The following POM121 variants were observed in gnomAD, a reference collection of about 807,000 sequenced individuals.
The protein encoded by POM121 is POM121 transmembrane nucleoporin.
Under a neutral mutation model 81.3 loss-of-function variants are expected in POM121, and 32 were observed. The ratio of observed to expected loss-of-function variants is 0.39; its 90% CI spans 0.30 to 0.53. The LOEUF (loss-of-function observed/expected upper bound fraction) is 0.53, where lower values mean the gene tolerates loss of function less well. Ranked by LOEUF, POM121 falls within the 20% of genes least tolerant of loss-of-function variation. The pLI, the probability that POM121 is intolerant of heterozygous loss-of-function variation, is 0.66. For synonymous variants in POM121, 514 were observed against 694.2 expected (o/e 0.74, Z 4.08); for missense variants, 1,138 against 1,614.6 (o/e 0.70, Z 5.06).
chr7:72,930,472 G>T (rs2129578274), intron 5 of POM121, among the ~76,000 whole-genome samples: 1 of 152,382 alleles, frequency 6.6e-6, no homozygotes, highest in South Asian at 2.1e-4. Context: ...CAGTGCATGT[G>T]TGCGAGCTGA....
At position 72,946,291 on chromosome 7, in the gene POM121, C is replaced by T. The variant is rs446631; in HGVS notation, c.*57C>T. On this transcript the variant is annotated 3_prime_UTR_variant, in exon 13 of 13. Transcript: ENST00000434423. ...CTTCCCTAAATCTGGACCTTGGCAC[C>T]TGCTAGGAAGAGCCTTGGACCCTTC... 6.3e-7 allele frequency: 1 copy of T among 1,598,574 alleles called. No homozygotes were observed. Among genetic ancestry groups the T allele is most frequent in the Non-Finnish European group, 8.5e-7 (1 of 1,173,152 alleles).
Position 72,939,913 on chromosome 7 carries a change from A to C in POM121, c.1508A>C (p.Gln503Pro), listed in dbSNP as rs532974835. Residue 503 changes from glutamine to proline, a missense_variant, in exon 8 of 13, where the codon CAG (glutamine) becomes CCG (proline). This residue lies in a region of POM121 where 24 missense variants were observed against 54.3 expected (regional missense o/e 0.44). Coordinates refer to ENST00000434423, the MANE Select transcript of POM121 (RefSeq NM_001387691.1). The part of the protein sequence containing the change: ...NSQSTPGSSG[Q>P]RKRKVQLLPS... ...CAGTCTACACCTGGCAGCTCTGGGC[A>C]GCGTAAGCGGAAAGTTCAGCTGCTG... 78 of 1,608,658 alleles carry C rather than the reference A, an allele frequency of 4.8e-5. No homozygotes were observed. In the African/African-American group the frequency reaches 7.9e-4, roughly 16 times the overall value.
Position 72,925,372 on chromosome 7 carries a change from G to A in POM121, c.251G>A (p.Arg84Gln). The change falls in exon 1 of 13, where the codon CGG becomes CAG. Residue 84 changes from arginine (R) to glutamine (Q), a missense_variant. Coordinates refer to ENST00000434423, the MANE Select transcript of POM121 (RefSeq NM_001387691.1). The stretch of plus-strand genomic sequence containing the variant: ...TCGCGCCCCTTGTCCTCCTTCGTTC[G>A]GAAGGCGCGTCATCGGCGCCCCTTG... Reference protein sequence around the residue: ...RGSRPLSSFVRKARHRRPLSS... With the variant: ...RGSRPLSSFVQKARHRRPLSS... 1.3e-6 allele frequency: 2 copies of A among 1,523,076 alleles called. No homozygotes were observed. The highest frequency in any genetic ancestry group is 2.4e-5 in the East Asian group (1 of 40,844). The allele number at this position is 1,523,076 out of a possible 1,614,324, so 94.3% of individuals were successfully genotyped here.
Position 72,946,149 on chromosome 7 carries a change from T to G in POM121, c.3665T>G (p.Leu1222Arg). 6.2e-7 allele frequency: 1 copy of G among 1,611,088 alleles called. No individual in the cohort carries two copies. ...TGAATCTTTCCAGGATCGGCGGCCC[T>G]TTCATTTTCCATTGGTGCGGGATCC... Reference protein sequence around the residue: ...VGVAPFGSAALSFSIGAGSKT... With the variant: ...VGVAPFGSAARSFSIGAGSKT... The change falls in exon 13 of 13, where the codon CTT (leucine) becomes CGT (arginine). Residue 1222 changes from leucine (L) to arginine (R), a missense_variant. By Grantham distance (102) the Leu-to-Arg change is moderately radical. Transcript: ENST00000434423.
At chr7:72,929,498 T>A (rs1466673019) in intron 4 of POM121, among the ~76,000 whole-genome samples, 1 of 152,194 alleles carries the variant, frequency 6.6e-6, no homozygotes, top group Non-Finnish European at 1.5e-5. Flanking sequence ...GATTTTTTTT[T>A]AATAGCTTTG....
chr7:72,914,708 T>C (rs1257754827), intron 4 of POM121, among the ~76,000 whole-genome samples: 1 of 152,130 alleles, frequency 6.6e-6, no homozygotes, highest in Non-Finnish European at 1.5e-5. Context: ...GTGTTTCCTG[T>C]GTTGCACAAA....
intron 3 of POM121, among the ~76,000 whole-genome samples, chr7:72,910,289 C>T (rs1314993424): frequency 6.6e-6 from 1 of 152,126 alleles, no homozygotes. Flanking sequence ...ACTTTCACTC[C>T]TGTTCTAAAA....
upstream of POM121, among the ~76,000 whole-genome samples, chr7:72,922,930 C>T (rs1220681854): frequency 6.6e-6 from 1 of 152,034 alleles, no homozygotes; most frequent in Non-Finnish European, 1.5e-5. Flanking sequence ...TAAAGAGCCC[C>T]TACTGACCTA....
chr7:72,909,680 G>A (rs1484444913), intron 3 of POM121, among the ~76,000 whole-genome samples: 1 of 152,116 alleles, frequency 6.6e-6, no homozygotes, highest in Non-Finnish European at 1.5e-5. Flanking sequence ...ACAGTGTCTT[G>A]CTCTGTTGCC....
At chr7:72,904,888 G>A (rs1247528746) in intron 3 of POM121, among the ~76,000 whole-genome samples, 1 of 152,128 alleles carries the variant, frequency 6.6e-6, no homozygotes, top group Non-Finnish European at 1.5e-5. Flanking sequence ...AGAGAGTGCA[G>A]GGGAAACTGC....
At chr7:72,948,415 C>A (rs781968432), downstream of POM121, 1 of 1,613,348 alleles carries the variant, frequency 6.2e-7, no homozygotes, top group East Asian at 2.2e-5. Context: ...GCGGTGAGGG[C>A]CCAGGGTCTT....
Position 72,931,574 on chromosome 7 carries a change from CTT to C in POM121, c.1275+1477_1275+1478del, listed in dbSNP as rs782387745. 1.2e-3 allele frequency among the ~76,000 whole-genome samples: 167 copies of C among 139,058 alleles called. 1 individual carries two copies. The highest frequency in any genetic ancestry group is 5.8e-3 in the Admixed American group (80 of 13,872). 91.2% of individuals were successfully genotyped at this position (139,058 alleles called of 152,430 possible). On this transcript the variant is annotated intron_variant, in intron 5 of 12. Transcript: ENST00000434423. ...CTTTGATCCTAGTAACACGCAATTT[CTT>C]TTTTTTTTTTTTTGCCGGAGTCTTA...
At chr7:72,905,695 A>G (rs1222733487) in intron 3 of POM121, among the ~76,000 whole-genome samples, 2 of 152,272 alleles carry the variant, frequency 1.3e-5, no homozygotes, top group East Asian at 3.9e-4. Context: ...GCGAGATTCC[A>G]TCTCAAAAAA....
chr7:72,941,221 C>T (rs1275583259), intron 10 of POM121, among the ~76,000 whole-genome samples: 1 of 151,850 alleles, frequency 6.6e-6, no homozygotes, highest in African/African-American at 2.4e-5. Flanking sequence ...CTCGTAGCTG[C>T]CCTGAGCCTC....
Position 72,887,385 on chromosome 7 carries a change from A to G in POM121, c.-520-3242A>G, listed in dbSNP as rs1790828978. Among the ~76,000 whole-genome samples, 2 of 151,928 alleles carry G rather than the reference A, an allele frequency of 1.3e-5. 1 individual carries two copies. Among genetic ancestry groups the G allele is most frequent in the South Asian group, 4.1e-4 (2 of 4,820 alleles). Reference sequence around the variant, plus strand: ...AATTTCCTGCCCATTTTCCCATCCCACAACTCTTTCTCCTCACATCTGCCT... The same window carrying G: ...AATTTCCTGCCCATTTTCCCATCCCGCAACTCTTTCTCCTCACATCTGCCT... On this transcript the variant is annotated intron_variant, in intron 1 of 15. Coordinates refer to the POM121 transcript ENST00000395270.
intron 1 of POM121, among the ~76,000 whole-genome samples, chr7:72,888,480 G>A (rs1790955721): frequency 6.6e-6 from 1 of 152,210 alleles, no homozygotes; most frequent in African/African-American, 2.4e-5. Flanking sequence ...AAAGTGTTGG[G>A]ATTACAGGCG....
chr7:72,903,112 T>TC (rs1248277383), intron 3 of POM121, among the ~76,000 whole-genome samples: 9 of 151,216 alleles, frequency 6.0e-5, no homozygotes, highest in Non-Finnish European at 1.0e-4. Flanking sequence ...TAATACCTTT[T>TC]CCCCCCAAAA....
intron 5 of POM121, among the ~76,000 whole-genome samples, chr7:72,935,333 T>C (rs1370823455): frequency 3.9e-5 from 6 of 152,014 alleles, no homozygotes; most frequent in Non-Finnish European, 8.8e-5. Context: ...TCACCACACC[T>C]AGCTAATTTT....
intron 3 of POM121, among the ~76,000 whole-genome samples, chr7:72,901,870 T>C (rs1792682364): frequency 6.7e-6 from 1 of 150,150 alleles, no homozygotes. Flanking sequence ...CCCAGCACTT[T>C]GGGAGGCCGA....
Sources: gnomAD v4.1 joint callset for allele counts (sites outside exome capture counted in the v4.1 genomes callset) on GRCh38, gnomAD v4.1.1 for gene constraint, gnomAD v4.1.1 regional missense constraint, MANE v1.5 for transcripts, NCBI Gene and HGNC (gene_info 2026-07-23, HGNC 2026-07-21) for gene names.